The following GPA33 variants were observed in gnomAD, a reference collection of about 807,000 sequenced individuals.
GPA33 encodes cell surface A33 antigen.
In GPA33, 27 loss-of-function variants were observed where a neutral mutation model predicts 35.6. That is an observed-to-expected ratio of 0.76 (90% CI 0.56 to 1.04). GPA33 has a LOEUF of 1.04. Ranked by LOEUF, GPA33 falls within the 50% of genes least tolerant of loss-of-function variation. GPA33 has a pLI of 0.00. For missense variants in GPA33, 428 were observed against 411.9 expected, an observed-to-expected ratio of 1.04 and a Z score of -0.34; for synonymous variants, 176 against 164.0, an observed-to-expected ratio of 1.07 and a Z score of -0.56.
intron 1 of GPA33, among the ~76,000 whole-genome samples, chr1:167,078,386 C>T (rs1666865158): frequency 6.6e-6 from 1 of 152,140 alleles, no homozygotes; most frequent in African/African-American, 2.4e-5. Flanking sequence ...TCAGTGTGAC[C>T]TTTATGTAGG....
intron 3 of GPA33, among the ~76,000 whole-genome samples, chr1:167,064,903 G>T (rs957856719): frequency 6.6e-6 from 1 of 152,178 alleles, no homozygotes; most frequent in South Asian, 2.1e-4. Flanking sequence ...GGACTGAGGG[G>T]ACTCGAGCAG....
intron 4 of GPA33, among the ~76,000 whole-genome samples, chr1:167,056,693 G>GC (rs1558001853): frequency 2.2e-3 from 6 of 2,774 alleles, no homozygotes; most frequent in South Asian, 0.016. Flanking sequence ...GTGTGTGGTG[G>GC]GTGTGTGGTG....
chr1:167,067,066 T>G (rs1666610985), intron 3 of GPA33, among the ~76,000 whole-genome samples: 1 of 152,196 alleles, frequency 6.6e-6, no homozygotes, highest in Non-Finnish European at 1.5e-5. Flanking sequence ...TTATATATGT[T>G]TATATGTATA....
intron 1 of GPA33, among the ~76,000 whole-genome samples, chr1:167,086,423 C>T (rs1667050445): frequency 6.6e-6 from 1 of 152,232 alleles, no homozygotes; most frequent in Admixed American, 6.5e-5. Context: ...GGCTAAGCCC[C>T]TAAACCACAT....
At chr1:167,060,865 C>T (rs578260200) in intron 4 of GPA33, among the ~76,000 whole-genome samples, 14 of 152,186 alleles carry the variant, frequency 9.2e-5, no homozygotes, top group East Asian at 1.9e-4. Flanking sequence ...CACCTACACA[C>T]GCACCCTACC....
chr1:167,055,827 C>T lies in GPA33; in HGVS notation c.594G>A (p.Leu198=), dbSNP rs767891268. ...CCGATGTGTCTGTGGAGATATTCTT[C>T]AGGGAGACAGGCTGACCTGAGGCTG... ...AQPASGQPVS[L]KNISTDTSGY... is the part of the protein sequence containing the mutation. Residue 198 remains leucine (L), a synonymous_variant, in exon 5 of 7, where the codon CTG becomes CTA. Transcript: ENST00000367868. 2 of 1,614,012 alleles carry T rather than the reference C, an allele frequency of 1.2e-6. No individual in the cohort carries two copies. Among genetic ancestry groups the T allele is most frequent in the Non-Finnish European group, 1.7e-6 (2 of 1,179,952 alleles).
intron 4 of GPA33, among the ~76,000 whole-genome samples, chr1:167,056,836 G>GTATGGTAT (rs1391102166): frequency 1.7e-4 from 1 of 6,034 alleles, no homozygotes; most frequent in Non-Finnish European, 3.3e-4. Context: ...TAGTGTGTGT[G>GTATGGTAT]GTGAGTGTGT....
chr1:167,065,734 C>T (rs1208497512), intron 3 of GPA33, among the ~76,000 whole-genome samples: 1 of 152,146 alleles, frequency 6.6e-6, no homozygotes, highest in Non-Finnish European at 1.5e-5. Flanking sequence ...CTCCTGCTGC[C>T]ATAGTGAGGG....
intron 1 of GPA33, among the ~76,000 whole-genome samples, chr1:167,086,303 GT>G (rs1667046155): frequency 6.6e-6 from 1 of 152,240 alleles, no homozygotes; most frequent in Admixed American, 6.5e-5. Flanking sequence ...AGAGCAGATG[GT>G]GGGCGGGCCG....
intron 3 of GPA33, among the ~76,000 whole-genome samples, chr1:167,066,703 T>C (rs562236607): frequency 6.6e-4 from 100 of 152,322 alleles, no homozygotes; most frequent in Admixed American, 5.2e-3. Context: ...AGATGTTACC[T>C]GAATATTCAC....
Position 167,073,439 on chromosome 1 carries a change from G to A in GPA33, c.144C>T (p.Ser48=), listed in dbSNP as rs1666760096. 1.2e-6 allele frequency: 2 copies of A among 1,613,676 alleles called. No homozygotes were observed. The highest frequency in any genetic ancestry group is 2.2e-5 in the East Asian group (1 of 44,896). Residue 48 remains serine (S), a synonymous_variant, in exon 2 of 7, where the codon TCC becomes TCT. Transcript: ENST00000367868. ...GAATAAGTCCCTCTCGACTGGAGGT[G>A]GAAGTGTGGTAGGTGCAGGGCAGGG... ...SVTLPCTYHT[S]TSSREGLIQW...
In GPA33 at chr1:167,065,951, G is replaced by A. The variant is rs150474834; in HGVS notation, c.416-2214C>T. 3.0e-3 allele frequency among the ~76,000 whole-genome samples: 456 copies of A among 152,220 alleles called. 2 individuals are homozygous for A. The highest frequency in any genetic ancestry group is 0.01 in the African/African-American group (435 of 41,516). On this transcript the variant is annotated intron_variant, in intron 3 of 6. Coordinates refer to ENST00000367868, the MANE Select transcript of GPA33 (RefSeq NM_005814.3). ...ACCAGCAGCCAACAAGCAGGTCCCC[G>A]GGGAACAAGAGAAGGTGAACACCAC...
chr1:167,053,061 T>G lies in GPA33; in HGVS notation c.*1273A>C, dbSNP rs977056163. On this transcript the variant is annotated 3_prime_UTR_variant, in exon 7 of 7. Coordinates refer to ENST00000367868, the MANE Select transcript of GPA33 (RefSeq NM_005814.3). The stretch of plus-strand genomic sequence containing the variant: ...TAAGCAGCCCTAACGCTGCCTGAGC[T>G]CTCAAGAGTAGAAGAAATGCTCGAC... 1 of 152,086 alleles carries G rather than the reference T, an allele frequency of 6.6e-6. No individual in the cohort carries two copies. Among genetic ancestry groups the G allele is most frequent in the Non-Finnish European group, 1.5e-5 (1 of 68,030 alleles). 9.4% of individuals were successfully genotyped at this position (152,086 alleles called of 1,614,324 possible). A position where few individuals can be genotyped will look rare whatever the true frequency, so the allele number is the denominator to read the frequency against.
In GPA33 at chr1:167,063,683, T is replaced by C; in HGVS notation, c.470A>G (p.Asn157Ser). The C allele has an allele frequency of 6.2e-7, 1 of 1,613,696 alleles. No homozygotes were observed. The highest frequency in any genetic ancestry group is 8.5e-7 in the Non-Finnish European group (1 of 1,179,970). ...CTTTGATTGGCAGGTCAGCTGGATG[T>C]TGTTCCCAATTATGGTCTCTCCCTC... ...GIEGETIIGN[N>S]IQLTCQSKEG... is the part of the protein sequence containing the mutation. The change falls in exon 4 of 7, where the codon AAC becomes AGC. Residue 157 changes from asparagine to serine, a missense_variant. Transcript: ENST00000367868.
intron 1 of GPA33, among the ~76,000 whole-genome samples, chr1:167,080,226 C>T (rs1385668594): frequency 6.6e-6 from 1 of 152,188 alleles, no homozygotes; most frequent in Non-Finnish European, 1.5e-5. Context: ...TCTTCTGATG[C>T]TCAAGAAGAG....
At chr1:167,081,914 C>A (rs532603667) in intron 1 of GPA33, among the ~76,000 whole-genome samples, 18 of 152,304 alleles carry the variant, frequency 1.2e-4, no homozygotes, top group African/African-American at 3.8e-4. Context: ...GTATGTGGCA[C>A]AATCCCTGCT....
chr1:167,074,790 G>A (rs1454265420), intron 1 of GPA33, among the ~76,000 whole-genome samples: 1 of 151,958 alleles, frequency 6.6e-6, no homozygotes. Flanking sequence ...TGTGGGGGTG[G>A]GGGTGGTCTC....
At chr1:167,061,047 AC>A (rs1045348808) in intron 4 of GPA33, among the ~76,000 whole-genome samples, 7 of 152,112 alleles carry the variant, frequency 4.6e-5, no homozygotes, top group Non-Finnish European at 8.8e-5. Context: ...AATCTTCACA[AC>A]CCTATGAAGT....
In GPA33 at chr1:167,069,027, T is replaced by C. The variant is rs768722072; in HGVS notation, c.310A>G (p.Ile104Val). Residue 104 changes from isoleucine (I) to valine (V), a missense_variant, in exon 3 of 7, where the codon ATT becomes GTT. Ile to Val is a conservative substitution (Grantham distance 29). Coordinates refer to ENST00000367868, the MANE Select transcript of GPA33 (RefSeq NM_005814.3). ...NAEQSDASITIDQLTMADNGT... is the reference protein window; with the variant it reads ...NAEQSDASITVDQLTMADNGT... ...TTGTCAGCCATGGTCAGCTGATCAA[T>C]GGTGATGGAGGCATCGGACTGCTCA... 7.4e-6 allele frequency: 12 copies of C among 1,614,016 alleles called. No homozygotes were observed. Among genetic ancestry groups the C allele is most frequent in the Admixed American group, 1.7e-5 (1 of 60,030 alleles).
Sources: allele counts gnomAD v4.1 joint callset (sites outside exome capture counted in the v4.1 genomes callset), GRCh38; gene constraint gnomAD v4.1.1; transcripts MANE v1.5; gene names NCBI Gene and HGNC (gene_info 2026-07-23, HGNC 2026-07-21).